FUBP3: variants seen among roughly 807,000 people sequenced by gnomAD.
FUBP3 encodes the protein far upstream element-binding protein 3.
Under a neutral mutation model 85.6 loss-of-function variants are expected in FUBP3, and 28 were observed. The observed-to-expected ratio is 0.33, with a 90% CI of 0.24 to 0.45. The LOEUF (loss-of-function observed/expected upper bound fraction) is 0.45. FUBP3 is among the 20% of genes least tolerant of loss of function. The pLI is 1.00. For synonymous variants in FUBP3, 271 were observed against 271.4 expected (o/e 1.00, Z 0.01); for missense variants, 583 against 755.1 (o/e 0.77, Z 2.67).
intron 12 of FUBP3, among the ~76,000 whole-genome samples, chr9:130,628,078 A>G (rs182706961): frequency 9.9e-4 from 126 of 127,574 alleles, no homozygotes; most frequent in Non-Finnish European, 1.6e-3. Context: ...ACACCGCACT[A>G]AACACACGCA....
Position 130,637,052 on chromosome 9 carries a change from C to T in FUBP3, c.*30C>T. 3 of 1,593,730 alleles carry T rather than the reference C, an allele frequency of 1.9e-6. No individual in the cohort carries two copies. Among genetic ancestry groups the T allele is most frequent in the Non-Finnish European group, 1.7e-6 (2 of 1,161,538 alleles). ...GCGTCCTCGTGGCCAACTCTCCCCT[C>T]AAAATCATTGTCAAAGAAAACCTAT... On this transcript the variant is annotated 3_prime_UTR_variant, in exon 19 of 19. Transcript: ENST00000319725.
chr9:130,617,301 A>G (rs1301555623), intron 7 of FUBP3, among the ~76,000 whole-genome samples: 1 of 152,218 alleles, frequency 6.6e-6, no homozygotes, highest in African/African-American at 2.4e-5. Context: ...CTTGCGTGCC[A>G]TCTCATAACC....
chr9:130,624,028 CTG>C (rs58634472), intron 11 of FUBP3, among the ~76,000 whole-genome samples: 8,208 of 152,198 alleles, frequency 0.054, 652 homozygotes, highest in African/African-American at 0.17. Flanking sequence ...TAATGTTAAT[CTG>C]TGTTAGTGAA....
chr9:130,624,337 C>A (rs1306045076), intron 11 of FUBP3, among the ~76,000 whole-genome samples: 3 of 152,228 alleles, frequency 2.0e-5, no homozygotes, highest in Non-Finnish European at 2.9e-5. Context: ...TTGCACCAGG[C>A]AGTGCTCTCT....
At position 130,616,435 on chromosome 9, in the gene FUBP3, G is replaced by A. The variant is rs764415792; in HGVS notation, c.485G>A (p.Ser162Asn). 2.5e-6 allele frequency: 4 copies of A among 1,613,902 alleles called. No individual in the cohort carries two copies. Reference sequence around the variant, plus strand: ...TTTCATAATGACATAGACAGCAACAGCACAATCCAGGAGATTCTCATTCCC... The same window carrying A: ...TTTCATAATGACATAGACAGCAACAACACAATCCAGGAGATTCTCATTCCC... ...PGFHNDIDSN[S>N]TIQEILIPAS... is the part of the protein sequence containing the mutation. Residue 162 changes from serine (S) to asparagine (N), a missense_variant, in exon 7 of 19, where the codon AGC (serine) becomes AAC (asparagine). Ser to Asn is a conservative substitution (Grantham distance 46, BLOSUM62 1). This residue lies in a region of FUBP3 where 177 missense variants were observed against 221.9 expected (regional missense o/e 0.80). Coordinates refer to ENST00000319725, the MANE Select transcript of FUBP3 (RefSeq NM_003934.2). This position sits in a 1 kb window ranked among gnomAD's most constrained non-coding sequence, Gnocchi z 4.7.
chr9:130,581,744 C>G (rs1830138933), intron 1 of FUBP3: 1 of 152,176 alleles, frequency 6.6e-6, no homozygotes, highest in Non-Finnish European at 1.5e-5. Flanking sequence ...AAACGCAAAG[C>G]TTTTTCCCCT....
At position 130,621,737 on chromosome 9, in the gene FUBP3, T is replaced by C. The variant is rs1829756336; in HGVS notation, c.772-971T>C. Reference sequence around the variant, plus strand: ...CTGGCCAATGTGGTGAAACCCTGTCTCTACTAAAAATACAAAAATTAGCCG... The same window carrying C: ...CTGGCCAATGTGGTGAAACCCTGTCCCTACTAAAAATACAAAAATTAGCCG... On this transcript the variant is annotated intron_variant, in intron 9 of 18. Transcript: ENST00000319725. Among the ~76,000 whole-genome samples the C allele has an allele frequency of 2.6e-5, 4 of 151,512 alleles. No individual in the cohort carries two copies. The South Asian group carries it at 8.4e-4, about 32-fold the overall frequency.
At chr9:130,594,380 C>T (rs1261225457) in intron 1 of FUBP3, among the ~76,000 whole-genome samples, 3 of 152,030 alleles carry the variant, frequency 2.0e-5, no homozygotes, top group East Asian at 1.9e-4. Flanking sequence ...GTCAGGAGTT[C>T]GAGACCAGCC....
At chr9:130,588,004 T>G (rs1370529386) in intron 1 of FUBP3, among the ~76,000 whole-genome samples, 1 of 152,170 alleles carries the variant, frequency 6.6e-6, no homozygotes, top group African/African-American at 2.4e-5. Flanking sequence ...ATTCTTTATT[T>G]CAATTATTGC....
Position 130,626,414 on chromosome 9 carries a change from C to T in FUBP3, c.1026C>T (p.Gly342=), listed in dbSNP as rs1404015650. ...GLAAARGRGR[G]RGDWSVGAPG... is the part of the protein sequence containing the mutation. ...CAGCAGCCAGAGGAAGAGGTCGTGG[C>T]CGTGGCGACTGGAGCGTGGGAGCCC... Residue 342 remains glycine, a synonymous_variant, in exon 12 of 19, where the codon GGC becomes GGT. Coordinates refer to ENST00000319725, the MANE Select transcript of FUBP3 (RefSeq NM_003934.2). 6.2e-7 allele frequency: 1 copy of T among 1,613,996 alleles called. No individual in the cohort carries two copies. Among genetic ancestry groups the T allele is most frequent in the Non-Finnish European group, 8.5e-7 (1 of 1,179,948 alleles).
At chr9:130,609,786 G>A (rs938901731) in intron 2 of FUBP3, among the ~76,000 whole-genome samples, 168 bp from the exon 3 acceptor site, 20 of 152,138 alleles carry the variant, frequency 1.3e-4, no homozygotes, top group Admixed American at 3.3e-4. Flanking sequence ...GTCCCCTCCT[G>A]TTTCATATCA....
At chr9:130,589,705 A>ATATATATATTTT (rs1414691549) in intron 1 of FUBP3, among the ~76,000 whole-genome samples, 1 of 73,860 alleles carries the variant, frequency 1.4e-5, no homozygotes, top group Non-Finnish European at 2.3e-5. Flanking sequence ...ATATATATAT[A>ATATATATATTTT]TTTTTTTTTT....
chr9:130,631,210 G>C (rs1056550467), intron 13 of FUBP3: 2 of 1,210,350 alleles, frequency 1.7e-6, no homozygotes, highest in Non-Finnish European at 2.1e-6. Flanking sequence ...ATGGAGGACA[G>C]ATGGGCCACT....
At chr9:130,617,472 C>T (rs1048408991) in intron 7 of FUBP3, among the ~76,000 whole-genome samples, 1 of 152,194 alleles carries the variant, frequency 6.6e-6, no homozygotes, top group African/African-American at 2.4e-5. Flanking sequence ...ACTGTCAGTT[C>T]CACAGAAGTT....
At chr9:130,581,633 C>G (rs972452621) in intron 1 of FUBP3, 4 of 152,198 alleles carry the variant, frequency 2.6e-5, no homozygotes, top group African/African-American at 4.8e-5. Context: ...ATTTGGGTAT[C>G]TGGAAGGTGA....
chr9:130,635,895 T>C lies in FUBP3; in HGVS notation c.1583-104T>C, dbSNP rs530789804. On this transcript the variant is annotated intron_variant, in intron 17 of 18. Coordinates refer to ENST00000319725, the MANE Select transcript of FUBP3 (RefSeq NM_003934.2). This position sits in a 1 kb window ranked among gnomAD's most constrained non-coding sequence, Gnocchi z 4.3. Reference sequence around the variant, plus strand: ...TCACTGCCTCCCAGACCTCCCTGCCTTCCAGCCGTCCGGAGGGAGAGCAGA... The same window carrying C: ...TCACTGCCTCCCAGACCTCCCTGCCCTCCAGCCGTCCGGAGGGAGAGCAGA... The C allele has an allele frequency of 8.7e-5, 108 of 1,235,002 alleles. No individual in the cohort carries two copies. The South Asian group carries it at 1.4e-3, about 16-fold the overall frequency. 76.5% of individuals were successfully genotyped at this position (1,235,002 alleles called of 1,614,324 possible).
intron 11 of FUBP3, 54 bp downstream of exon 11, chr9:130,623,765 T>C (rs1829855868): frequency 8.3e-7 from 1 of 1,203,772 alleles, no homozygotes; most frequent in Middle Eastern, 1.9e-4. Flanking sequence ...TGGAAAGTGC[T>C]ACCCGGGGCT....
intron 2 of FUBP3, among the ~76,000 whole-genome samples, chr9:130,602,289 C>G (rs1483159678): frequency 1.3e-5 from 2 of 152,040 alleles, no homozygotes; most frequent in African/African-American, 4.8e-5. Flanking sequence ...TGTATTCTTA[C>G]GGGGTAAAGG....
chr9:130,589,705 A>ATATATATATTTTTT (rs1414691549), intron 1 of FUBP3, among the ~76,000 whole-genome samples: 2 of 73,826 alleles, frequency 2.7e-5, no homozygotes, highest in African/African-American at 1.5e-4. Context: ...ATATATATAT[A>ATATATATATTTTTT]TTTTTTTTTT....
Sources: gnomAD v4.1 joint callset for allele counts (sites outside exome capture counted in the v4.1 genomes callset) on GRCh38, gnomAD v4.1.1 for gene constraint, gnomAD v4.1.1 regional missense constraint, Gnocchi (gnomAD v3.1) non-coding constraint, MANE v1.5 for transcripts, NCBI Gene and HGNC (gene_info 2026-07-23, HGNC 2026-07-21) for gene names.